Variants in CD101 observed in about 807,000 individuals in gnomAD.
CD101 encodes the protein CD101 molecule.
CD101 carries 76 observed loss-of-function variants against 98.2 expected under a neutral mutation model. The ratio of observed to expected loss-of-function variants is 0.77; its 90% CI spans 0.64 to 0.94. The LOEUF (loss-of-function observed/expected upper bound fraction) is 0.94, where lower values mean the gene tolerates loss of function less well. CD101 is among the 40% of genes least tolerant of loss of function. The pLI, the probability that CD101 is intolerant of heterozygous loss-of-function variation, is 0.00. For missense variants in CD101, 1,145 were observed against 1,218.8 expected, an observed-to-expected ratio of 0.94 and a Z score of 0.90; for synonymous variants, 471 against 472.7, an observed-to-expected ratio of 1.00 and a Z score of 0.05.
At position 117,011,832 on chromosome 1, in the gene CD101, T is replaced by C. The variant is rs768762603; in HGVS notation, c.707T>C (p.Ile236Thr). 1.3e-5 allele frequency: 21 copies of C among 1,613,990 alleles called. No individual in the cohort carries two copies. Among genetic ancestry groups the C allele is most frequent in the Admixed American group, 1.7e-5 (1 of 59,992 alleles). The change falls in exon 3 of 10, where the codon ATA (isoleucine) becomes ACA (threonine). Residue 236 changes from isoleucine (I) to threonine (T), a missense_variant. Transcript: ENST00000682167. The part of the protein sequence containing the change: ...KLGPTTFRLS[I>T]ERLQSSDQGQ... ...GGACCCACTACATTCAGGCTGTCCA[T>C]AGAGAGGCTCCAGTCCTCAGATCAG...
At chr1:117,002,037 G>C (rs1214340494) in intron 1 of CD101, among the ~76,000 whole-genome samples, 177 bp downstream of exon 1, 1 of 152,196 alleles carries the variant, frequency 6.6e-6, no homozygotes, top group Non-Finnish European at 1.5e-5. Context: ...ACATCCTTGA[G>C]TTCCAGGGAG....
chr1:117,008,679 A>C (rs189796443), intron 1 of CD101, among the ~76,000 whole-genome samples: 1 of 152,144 alleles, frequency 6.6e-6, no homozygotes, highest in Admixed American at 6.5e-5. Context: ...TCCTATACTC[A>C]GCCTTATCAT....
rs1438872502 is a variant in CD101, at chr1:117,013,696, G to C, written c.1132G>C (p.Val378Leu). 8 of 1,614,108 alleles carry C rather than the reference G, an allele frequency of 5.0e-6. No homozygotes were observed. The highest frequency in any genetic ancestry group is 4.2e-6 in the Non-Finnish European group (5 of 1,180,032). ...GPEDEGAYRC[V>L]VAEVMKTRTG... The stretch of plus-strand genomic sequence containing the variant: ...AGAGGATGAAGGCGCCTACAGATGT[G>C]TGGTAGCAGAGGTCATGAAAACACG... Residue 378 changes from valine to leucine, a missense_variant, in exon 4 of 10, where the codon GTG (valine) becomes CTG (leucine). Val to Leu is a conservative substitution (Grantham distance 32, BLOSUM62 1). Coordinates refer to ENST00000682167, the MANE Select transcript of CD101 (RefSeq NM_001256106.3).
chr1:117,017,421 G>A lies in CD101; in HGVS notation c.1560G>A (p.Gln520=), dbSNP rs760405593. The A allele has an allele frequency of 6.4e-5, 103 of 1,614,076 alleles. No individual in the cohort carries two copies. The highest frequency in any genetic ancestry group is 8.5e-5 in the Non-Finnish European group (100 of 1,180,020). ...GAGTATCTGAGAAGTCTCGGAACCAGGCCAGAGATCTGAGCTGGACTCAGA... is the reference window on the plus strand; with the variant it reads ...GAGTATCTGAGAAGTCTCGGAACCAAGCCAGAGATCTGAGCTGGACTCAGA... ...ECRVSEKSRN[Q]ARDLSWTQKI... Residue 520 remains glutamine (Q), a synonymous_variant, in exon 5 of 10, where the codon CAG becomes CAA. Coordinates refer to ENST00000682167, the MANE Select transcript of CD101 (RefSeq NM_001256106.3).
intron 8 of CD101, 141 bp downstream of exon 8, chr1:117,026,045 A>T (rs1033960301): frequency 1.3e-5 from 11 of 871,990 alleles, no homozygotes; most frequent in African/African-American, 6.8e-5. Context: ...CCTAAAGAAG[A>T]TGACTTTGCT....
rs562142381 is a variant in CD101 at position 117,018,058 on chromosome 1, A to C, written c.1613-98A>C. ...TAGGAAACTCCAAATGTACAAATGC[A>C]TGGTCCTAGTCAAAGAGGTGGCAAC... On this transcript the variant is annotated intron_variant, in intron 5 of 9. Transcript: ENST00000682167. This position sits in a 1 kb window ranked among gnomAD's most constrained non-coding sequence, Gnocchi z 4.3. 2.0e-6 allele frequency: 2 copies of C among 1,021,652 alleles called. No homozygotes were observed. Among genetic ancestry groups the C allele is most frequent in the South Asian group, 3.5e-5 (2 of 57,340 alleles). The allele number at this position is 1,021,652 out of a possible 1,614,324, so 63.3% of individuals were successfully genotyped here.
rs569726372 is a variant in CD101, at chr1:117,009,600, T to A, written c.44-250T>A. On this transcript the variant is annotated intron_variant, in intron 1 of 9. Transcript: ENST00000682167. Reference sequence around the variant, plus strand: ...TTTTATAGAAGTGGTCGTGTTACATTGATGAAGCTAAATTTTTTTAAGAGA... The same window carrying A: ...TTTTATAGAAGTGGTCGTGTTACATAGATGAAGCTAAATTTTTTTAAGAGA... Among the ~76,000 whole-genome samples, 4 of 152,382 alleles carry A rather than the reference T, an allele frequency of 2.6e-5. No individual in the cohort carries two copies. In the South Asian group the frequency reaches 8.3e-4, roughly 32 times the overall value.
chr1:117,010,100 G>T lies in CD101; in HGVS notation c.294G>T (p.Arg98Ser), dbSNP rs1374437678. The T allele has an allele frequency of 6.2e-7, 1 of 1,614,194 alleles. No homozygotes were observed. Among genetic ancestry groups the T allele is most frequent in the East Asian group, 2.2e-5 (1 of 44,886 alleles). The change falls in exon 2 of 10, where the codon AGG becomes AGT. Residue 98 changes from arginine (R) to serine (S), a missense_variant. Physicochemically the swap from Arg to Ser is moderately radical, Grantham distance 110. Transcript: ENST00000682167. The surrounding 1 kb of genome is among the most constrained non-coding windows in gnomAD (Gnocchi z 5.2). ...GAAGCGGAGACGTCTACGTGGAGAG[G>T]GTCCAGGGCAACTCAGTCTTGTTGC... ...RVRSGDVYVE[R>S]VQGNSVLLHI...
Position 117,021,778 on chromosome 1 carries a change from G to C in CD101, c.2223G>C (p.Glu741Asp). The C allele has an allele frequency of 1.2e-6, 2 of 1,614,066 alleles. No individual in the cohort carries two copies. The highest frequency in any genetic ancestry group is 1.7e-6 in the Non-Finnish European group (2 of 1,179,994). ...DQTNVIKTGD[E>D]FHTPQRKQKF... ...CCAATGTTATAAAAACTGGGGATGA[G>C]TTTCACACCCCACAGAGAAAACAAA... Residue 741 changes from glutamate (E) to aspartate (D), a missense_variant, in exon 7 of 10, where the codon GAG (glutamate) becomes GAC (aspartate). Physicochemically the swap from Glu to Asp is conservative, Grantham distance 45 (BLOSUM62 2). Transcript: ENST00000682167. This position sits in a 1 kb window ranked among gnomAD's most constrained non-coding sequence, Gnocchi z 4.7.
intron 8 of CD101, among the ~76,000 whole-genome samples, chr1:117,029,179 GAAAGAAAGA>G (rs1557778654): frequency 3.1e-4 from 30 of 97,314 alleles, no homozygotes; most frequent in Admixed American, 3.0e-3. Context: ...AAGAAAGAAA[GAAAGAAAGA>G]AAGAAAGAAA....
At chr1:117,027,945 C>A (rs1654061431) in intron 8 of CD101, among the ~76,000 whole-genome samples, 1 of 152,026 alleles carries the variant, frequency 6.6e-6, no homozygotes, top group African/African-American at 2.4e-5. Context: ...ATTAGCCGGG[C>A]ATGGTGGCCC....
intron 8 of CD101, among the ~76,000 whole-genome samples, chr1:117,027,080 C>A (rs1379555184): frequency 1.3e-5 from 2 of 152,178 alleles, no homozygotes; most frequent in African/African-American, 4.8e-5. Flanking sequence ...CCTCAGCTTT[C>A]TATAAAATGA....
Position 117,018,175 on chromosome 1 carries a change from T to C in CD101, c.1632T>C (p.Ser544=). The C allele has an allele frequency of 1.3e-6, 2 of 1,598,536 alleles. No individual in the cohort carries two copies. The highest frequency in any genetic ancestry group is 1.7e-6 in the Non-Finnish European group (2 of 1,170,408). The change falls in exon 6 of 10, where the codon AGT becomes AGC. Residue 544 remains serine (S), a synonymous_variant. Transcript: ENST00000682167. This position sits in a 1 kb window ranked among gnomAD's most constrained non-coding sequence, Gnocchi z 4.3. ...VKSLESSLQV[S]LMSRQPQVML... The stretch of plus-strand genomic sequence containing the variant: ...GTCTAGAGTCAAGTTTACAAGTTAG[T>C]CTGATGAGCCGTCAGCCGCAAGTGA...
intron 8 of CD101, chr1:117,026,128 G>A: frequency 2.1e-6 from 1 of 481,026 alleles, no homozygotes; most frequent in Non-Finnish European, 3.7e-6. Context: ...TTAAATATCG[G>A]GAGCATCTGA....
intron 9 of CD101, among the ~76,000 whole-genome samples, chr1:117,035,842 A>T (rs191635555): frequency 1.3e-5 from 2 of 152,048 alleles, no homozygotes; most frequent in South Asian, 4.1e-4. Context: ...GTGAGCCACC[A>T]CGCCCGGCAG....
At chr1:117,029,222 AAAGAAAGAAAGAAAGAAAGAAAG>A (rs1654234133) in intron 8 of CD101, among the ~76,000 whole-genome samples, 15 of 51,976 alleles carry the variant, frequency 2.9e-4, no homozygotes, top group East Asian at 1.1e-3. Context: ...GAAAAGAAAG[AAAGAAAGAAAGAAAGAAAGAAAG>A]AAAGAAAGAA....
chr1:117,011,115 A>G (rs138656935), intron 2 of CD101, among the ~76,000 whole-genome samples: 397 of 152,300 alleles, frequency 2.6e-3, no homozygotes, highest in African/African-American at 8.5e-3. Context: ...AACAGCCATT[A>G]TTACATTATT....
At chr1:117,029,198 A>AGAAAGAAG (rs1654202325) in intron 8 of CD101, among the ~76,000 whole-genome samples, 2 of 76,112 alleles carry the variant, frequency 2.6e-5, no homozygotes, top group East Asian at 3.8e-4. Context: ...AAAGAAAGAA[A>AGAAAGAAG]GAAAGAAAAG....
At position 117,021,938 on chromosome 1, in the gene CD101, G is replaced by C; in HGVS notation, c.2383G>C (p.Gly795Arg). Reference protein sequence around the residue: ...LSTNGTWHKLGEKKSGLTELK... With the variant: ...LSTNGTWHKLREKKSGLTELK... The stretch of plus-strand genomic sequence containing the variant: ...TACAAATGGCACTTGGCACAAGCTT[G>C]GAGAAAAGAAGTCAGGACTAACAGA... The change falls in exon 7 of 10, where the codon GGA becomes CGA. Residue 795 changes from glycine (G) to arginine (R), a missense_variant. Transcript: ENST00000682167. The surrounding 1 kb of genome is among the most constrained non-coding windows in gnomAD (Gnocchi z 4.7). 1 of 1,613,108 alleles carries C rather than the reference G, an allele frequency of 6.2e-7. No individual in the cohort carries two copies.
Sources: allele counts gnomAD v4.1 joint callset (sites outside exome capture counted in the v4.1 genomes callset), GRCh38; gene constraint gnomAD v4.1.1; non-coding constraint Gnocchi (gnomAD v3.1); transcripts MANE v1.5; gene names NCBI Gene and HGNC (gene_info 2026-07-23, HGNC 2026-07-21).